Variants in NAALADL2 observed in about 807,000 individuals in gnomAD.
NAALADL2 encodes the protein N-acetylated alpha-linked acidic dipeptidase like 2.
Under a neutral mutation model 87.2 loss-of-function variants are expected in NAALADL2, and 76 were observed. That is an observed-to-expected ratio of 0.87 (90% CI 0.72 to 1.05). NAALADL2 has a LOEUF of 1.05. Among genes scored for constraint, NAALADL2 ranks in the 50% least tolerant of loss-of-function variants. The probability of loss-of-function intolerance (pLI) is 0.00; values close to 1 mark genes in which losing one functional copy is unlikely to be tolerated. For missense variants in NAALADL2, 1,089 were observed against 945.8 expected (o/e 1.15, Z -1.99); for synonymous variants, 354 against 331.0 (o/e 1.07, Z -0.75).
intron 2 of NAALADL2, among the ~76,000 whole-genome samples, chr3:174,572,576 A>C (rs548795777): frequency 6.6e-6 from 1 of 152,310 alleles, no homozygotes; most frequent in African/African-American, 2.4e-5. Context: ...ATTGTTATTC[A>C]AAAAGGATAT....
At chr3:175,750,716 TC>T (rs1218523608) in intron 12 of NAALADL2, among the ~76,000 whole-genome samples, 2 of 152,218 alleles carry the variant, frequency 1.3e-5, no homozygotes, top group African/African-American at 2.4e-5. Flanking sequence ...GTTTACTTCT[TC>T]CCTGGACACT....
chr3:175,746,425 C>A (rs774231039), intron 12 of NAALADL2, among the ~76,000 whole-genome samples: 1 of 151,324 alleles, frequency 6.6e-6, no homozygotes, highest in South Asian at 2.1e-4. Context: ...AGTTAAGCAC[C>A]GTACAGTTTG....
chr3:175,639,318 C>CTTTTTTT (rs756214274), intron 11 of NAALADL2, among the ~76,000 whole-genome samples: 10,517 of 108,416 alleles, frequency 0.097, 1,024 homozygotes, highest in Non-Finnish European at 0.14. Flanking sequence ...AAGCGTTATT[C>CTTTTTTT]TTTTTTTTTT....
intron 5 of NAALADL2, among the ~76,000 whole-genome samples, chr3:175,412,921 ATTATTATTT>A (rs1165496349): frequency 6.9e-6 from 1 of 145,082 alleles, no homozygotes; most frequent in African/African-American, 2.5e-5. Flanking sequence ...TATTATTATT[ATTATTATTT>A]TTGAGACGGA....
chr3:175,113,843 C>G (rs1214968548), intron 2 of NAALADL2, among the ~76,000 whole-genome samples: 1 of 151,484 alleles, frequency 6.6e-6, no homozygotes, highest in Non-Finnish European at 1.5e-5. Flanking sequence ...TAAACAAACC[C>G]AAAGTTTTCT....
chr3:175,790,256 G>A (rs1425419187), intron 13 of NAALADL2, among the ~76,000 whole-genome samples: 1 of 152,056 alleles, frequency 6.6e-6, no homozygotes, highest in Non-Finnish European at 1.5e-5. Context: ...TCTGAGTAAT[G>A]ACAGATCTCT....
chr3:175,558,214 A>AAAAG (rs1258808001), intron 9 of NAALADL2, among the ~76,000 whole-genome samples: 21 of 146,414 alleles, frequency 1.4e-4, no homozygotes, highest in African/African-American at 2.3e-4. Context: ...AAAAAAAAAA[A>AAAAG]AAAGAAAGAA....
intron 2 of NAALADL2, among the ~76,000 whole-genome samples, chr3:175,133,593 G>A (rs1029406399): frequency 4.6e-5 from 7 of 152,062 alleles, no homozygotes; most frequent in South Asian, 2.1e-4. Flanking sequence ...GTGGCGGCGC[G>A]CGCCTGCAAT....
intron 4 of NAALADL2, among the ~76,000 whole-genome samples, chr3:175,258,324 C>CAAAAAAAAAAAAAAAAA (rs1287997792): frequency 9.9e-6 from 1 of 100,750 alleles, no homozygotes; most frequent in Non-Finnish European, 2.1e-5. Context: ...CCCCCACCAC[C>CAAAAAAAAAAAAAAAAA]AAAAAAAAAA....
At chr3:174,556,680 A>G (rs1252474247) in intron 2 of NAALADL2, among the ~76,000 whole-genome samples, 1 of 152,198 alleles carries the variant, frequency 6.6e-6, no homozygotes, top group East Asian at 1.9e-4. Flanking sequence ...TCAGTTTTTA[A>G]GAATATGTGT....
chr3:174,613,131 C>A (rs543712566), intron 2 of NAALADL2, among the ~76,000 whole-genome samples: 1 of 152,204 alleles, frequency 6.6e-6, no homozygotes, highest in Non-Finnish European at 1.5e-5. Context: ...ATTAGTTTCT[C>A]CCCATCAAAT....
At chr3:175,731,547 C>T (rs1583042117) in intron 11 of NAALADL2, among the ~76,000 whole-genome samples, 1 of 152,128 alleles carries the variant, frequency 6.6e-6, no homozygotes, top group African/African-American at 2.4e-5. Context: ...GAAAGTTGTT[C>T]TGGTGTGCCT....
At chr3:175,547,613 T>A (rs993222653) in intron 9 of NAALADL2, among the ~76,000 whole-genome samples, 2 of 152,084 alleles carry the variant, frequency 1.3e-5, no homozygotes, top group Non-Finnish European at 2.9e-5. Flanking sequence ...ATCATCAGCG[T>A]GAATAGACAA....
chr3:174,572,460 A>G (rs1049091943), intron 2 of NAALADL2, among the ~76,000 whole-genome samples: 3 of 152,216 alleles, frequency 2.0e-5, no homozygotes, highest in African/African-American at 7.2e-5. Context: ...CTTGAGAAGC[A>G]TTTATTTCAC....
intron 1 of NAALADL2, among the ~76,000 whole-genome samples, chr3:174,933,422 G>A (rs1737210846): frequency 6.6e-6 from 1 of 152,144 alleles, no homozygotes; most frequent in South Asian, 2.1e-4. Flanking sequence ...ATATGACCTT[G>A]AGAACATTCA....
intron 1 of NAALADL2, among the ~76,000 whole-genome samples, chr3:174,906,244 C>G (rs1342175352): frequency 6.6e-6 from 1 of 152,006 alleles, no homozygotes; most frequent in Non-Finnish European, 1.5e-5. Context: ...AAGAAACATG[C>G]AATCAGCATC....
chr3:175,078,875 A>G (rs1447063365), intron 1 of NAALADL2, among the ~76,000 whole-genome samples: 2 of 152,206 alleles, frequency 1.3e-5, no homozygotes, highest in Non-Finnish European at 2.9e-5. Flanking sequence ...TTTGGCTACT[A>G]TGATTAATGC....
At chr3:175,519,000 A>G (rs975575990) in intron 9 of NAALADL2, among the ~76,000 whole-genome samples, 1 of 152,224 alleles carries the variant, frequency 6.6e-6, no homozygotes, top group African/African-American at 2.4e-5. Context: ...TTGTGGAAAT[A>G]TGATTGAACA....
chr3:175,166,039 AT>A (rs10576101), intron 2 of NAALADL2, among the ~76,000 whole-genome samples: 66,688 of 145,194 alleles, frequency 0.46, 14,992 homozygotes, highest in East Asian at 0.55. Context: ...GGGACTCCAT[AT>A]TTTTTTTTTT....
Sources: gnomAD v4.1 joint callset for allele counts (sites outside exome capture counted in the v4.1 genomes callset) on GRCh38, gnomAD v4.1.1 for gene constraint, MANE v1.5 for transcripts, NCBI Gene and HGNC (gene_info 2026-07-23, HGNC 2026-07-21) for gene names.